ZNF385D: variants seen among roughly 807,000 people sequenced by gnomAD.
ZNF385D encodes zinc finger protein 659.
In ZNF385D, 15 loss-of-function variants were observed where a neutral mutation model predicts 35.8. The observed-to-expected ratio is 0.42, with a 90% CI of 0.28 to 0.64. ZNF385D has a LOEUF of 0.64. Ranked by LOEUF, ZNF385D falls within the 30% of genes least tolerant of loss-of-function variation. The pLI is 0.23. For missense variants in ZNF385D, 474 were observed against 494.6 expected (o/e 0.96, Z 0.39); for synonymous variants, 212 against 186.8 (o/e 1.13, Z -1.10).
intron 2 of ZNF385D, among the ~76,000 whole-genome samples, chr3:22,184,776 C>T (rs769729572): frequency 4.5e-4 from 68 of 151,906 alleles, no homozygotes; most frequent in Non-Finnish European, 5.2e-4. Context: ...CACTCCAGCC[C>T]GGGTGACAAG....
intron 2 of ZNF385D, among the ~76,000 whole-genome samples, chr3:22,280,936 A>C (rs765089832): frequency 1.3e-5 from 2 of 151,962 alleles, no homozygotes; most frequent in Non-Finnish European, 2.9e-5. Context: ...TTCCTTGTAG[A>C]GGTCTTCACC....
intron 1 of ZNF385D, among the ~76,000 whole-genome samples, chr3:21,718,599 G>A (rs2068419671): frequency 6.6e-6 from 1 of 152,184 alleles, no homozygotes; most frequent in East Asian, 1.9e-4. Context: ...ACTTCATCAA[G>A]ATTAAGTATT....
intron 3 of ZNF385D, among the ~76,000 whole-genome samples, chr3:21,802,763 G>A (rs529906873): frequency 1.3e-5 from 2 of 152,228 alleles, no homozygotes; most frequent in Admixed American, 1.3e-4. Context: ...TTAAATATAA[G>A]CATAAAAATG....
At chr3:21,576,639 G>A (rs996163112) in intron 2 of ZNF385D, among the ~76,000 whole-genome samples, 1 of 152,154 alleles carries the variant, frequency 6.6e-6, no homozygotes, top group Non-Finnish European at 1.5e-5. Flanking sequence ...AGTGGGTGGA[G>A]ACTGTGTTTC....
chr3:21,521,908 G>A (rs1575099545), intron 3 of ZNF385D, among the ~76,000 whole-genome samples: 1 of 152,246 alleles, frequency 6.6e-6, no homozygotes, highest in Admixed American at 6.5e-5. Flanking sequence ...AAAGACACCA[G>A]CCCTTAGAAT....
chr3:21,662,541 T>G (rs1226477300), intron 2 of ZNF385D, among the ~76,000 whole-genome samples: 1 of 152,160 alleles, frequency 6.6e-6, no homozygotes, highest in Non-Finnish European at 1.5e-5. Flanking sequence ...AATCAAGAAC[T>G]CAGACTGTTA....
intron 2 of ZNF385D, among the ~76,000 whole-genome samples, chr3:21,608,258 C>A (rs764375532): frequency 1.3e-5 from 2 of 152,058 alleles, no homozygotes; most frequent in Non-Finnish European, 2.9e-5. Context: ...ATCCGCCCAC[C>A]TTGGCCTCCT....
intron 2 of ZNF385D, among the ~76,000 whole-genome samples, chr3:21,573,357 C>T (rs796411718): frequency 7.2e-5 from 11 of 152,160 alleles, no homozygotes; most frequent in Admixed American, 3.3e-4. Context: ...TTTAAAATAA[C>T]AAGATTATGG....
intron 2 of ZNF385D, among the ~76,000 whole-genome samples, chr3:22,336,767 G>T (rs1043341776): frequency 6.6e-6 from 1 of 151,118 alleles, no homozygotes; most frequent in Non-Finnish European, 1.5e-5. Flanking sequence ...GCATAATGTG[G>T]GTTAGTAATC....
Position 22,153,592 on chromosome 3 carries a change from T to C in ZNF385D, c.325+15225A>G, listed in dbSNP as rs550658550. On this transcript the variant is annotated intron_variant, in intron 3 of 5. Coordinates refer to the ZNF385D transcript ENST00000494108. The stretch of plus-strand genomic sequence containing the variant: ...AATTCTTGTGTCTCAGCCTCCTGAG[T>C]AGCTGGGATTAAAGGCACCCACCAC... Among the ~76,000 whole-genome samples, 7 of 151,238 alleles carry C rather than the reference T, an allele frequency of 4.6e-5. No homozygotes were observed. In the East Asian group the frequency reaches 1.4e-3, roughly 30 times the overall value.
intron 1 of ZNF385D, among the ~76,000 whole-genome samples, chr3:21,676,767 T>A (rs986585612): frequency 6.7e-6 from 1 of 149,526 alleles, no homozygotes; most frequent in African/African-American, 2.5e-5. Flanking sequence ...AGAAACCAGA[T>A]AGGGATGATT....
intron 3 of ZNF385D, among the ~76,000 whole-genome samples, chr3:21,856,549 A>T (rs1192065810): frequency 6.6e-6 from 1 of 151,960 alleles, no homozygotes; most frequent in Non-Finnish European, 1.5e-5. Context: ...GAAATCTTGG[A>T]ATTTTCCCCC....
intron 3 of ZNF385D, among the ~76,000 whole-genome samples, chr3:22,058,978 G>C (rs1311400822): frequency 6.6e-6 from 1 of 152,098 alleles, no homozygotes; most frequent in Non-Finnish European, 1.5e-5. Context: ...CGAATTCAGG[G>C]AGATTAATTT....
At chr3:22,177,172 G>C (rs1005574730) in intron 2 of ZNF385D, among the ~76,000 whole-genome samples, 7 of 152,166 alleles carry the variant, frequency 4.6e-5, no homozygotes, top group Non-Finnish European at 7.3e-5. Flanking sequence ...AGGCTGCACT[G>C]TGAGTCCTGC....
chr3:22,239,643 G>T (rs1182610789), intron 2 of ZNF385D, among the ~76,000 whole-genome samples: 1 of 150,748 alleles, frequency 6.6e-6, no homozygotes, highest in Non-Finnish European at 1.5e-5. Context: ...CTAATCTTAT[G>T]TTATATTTAT....
chr3:22,248,899 A>C (rs1193283241), intron 2 of ZNF385D, among the ~76,000 whole-genome samples: 1 of 152,130 alleles, frequency 6.6e-6, no homozygotes, highest in African/African-American at 2.4e-5. Flanking sequence ...ATTTTTCTTG[A>C]ATACTCCCTT....
intron 3 of ZNF385D, among the ~76,000 whole-genome samples, chr3:21,512,466 T>G (rs1707287718): frequency 6.6e-6 from 1 of 152,224 alleles, no homozygotes; most frequent in Admixed American, 6.5e-5. Context: ...ACTAGGGTGT[T>G]GCAATATAAT....
intron 1 of ZNF385D, among the ~76,000 whole-genome samples, chr3:21,741,423 C>T (rs893520314): frequency 6.6e-6 from 1 of 152,098 alleles, no homozygotes; most frequent in Admixed American, 6.5e-5. Context: ...AAGCTATAGC[C>T]CACCATTCCT....
chr3:21,919,340 T>C (rs571776262), intron 3 of ZNF385D, among the ~76,000 whole-genome samples: 26 of 152,222 alleles, frequency 1.7e-4, no homozygotes, highest in Non-Finnish European at 3.7e-4. Context: ...ATGACAATTA[T>C]AATGCACTTT....
Sources: gnomAD v4.1 joint callset for allele counts (sites outside exome capture counted in the v4.1 genomes callset) on GRCh38, gnomAD v4.1.1 for gene constraint, MANE v1.5 for transcripts, NCBI Gene and HGNC (gene_info 2026-07-23, HGNC 2026-07-21) for gene names.